The following RNF111 variants were observed in gnomAD, a reference collection of about 807,000 sequenced individuals.
The protein encoded by RNF111 is E3 ubiquitin-protein ligase Arkadia.
RNF111 carries 17 observed loss-of-function variants against 95.1 expected under a neutral mutation model. The observed-to-expected ratio is 0.18, with a 90% CI of 0.12 to 0.27. The LOEUF (loss-of-function observed/expected upper bound fraction) is 0.27. Among genes scored for constraint, RNF111 ranks in the 10% least tolerant of loss-of-function variants. RNF111 has a pLI of 1.00. For synonymous variants in RNF111, 440 were observed against 414.8 expected, an observed-to-expected ratio of 1.06 and a Z score of -0.74; for missense variants, 1,189 against 1,210.4, an observed-to-expected ratio of 0.98 and a Z score of 0.26.
At chr15:59,058,330 C>G in intron 4 of RNF111, 26 bp from the exon 5 acceptor site, 8 of 1,591,282 alleles carry the variant, frequency 5.0e-6, no homozygotes, top group Non-Finnish European at 6.9e-6. Context: ...TTTTGAAATG[C>G]TAAGTTGACA....
intron 6 of RNF111, among the ~76,000 whole-genome samples, chr15:59,073,315 A>C (rs1417063922): frequency 6.6e-6 from 1 of 152,006 alleles, no homozygotes; most frequent in East Asian, 1.9e-4. Flanking sequence ...TGTCTACTAA[A>C]AATACAAAAA....
chr15:59,003,755 C>T (rs962083874), intron 1 of RNF111, among the ~76,000 whole-genome samples: 1 of 152,166 alleles, frequency 6.6e-6, no homozygotes, highest in Non-Finnish European at 1.5e-5. Flanking sequence ...TTTTTGGTCT[C>T]ATTTGCATGT....
chr15:59,049,023 C>G (rs953794083), intron 2 of RNF111, among the ~76,000 whole-genome samples: 1 of 152,058 alleles, frequency 6.6e-6, no homozygotes, highest in African/African-American at 2.4e-5. Context: ...ATCACTGGAG[C>G]CCAGGAGATT....
Position 59,066,893 on chromosome 15 carries a change from A to G in RNF111, c.1496A>G (p.His499Arg). 1.2e-6 allele frequency: 2 copies of G among 1,614,064 alleles called. No homozygotes were observed. The highest frequency in any genetic ancestry group is 1.7e-6 in the Non-Finnish European group (2 of 1,180,010). ...GSSQNHHALGHPHTSCFQQHG... is the reference protein window; with the variant it reads ...GSSQNHHALGRPHTSCFQQHG... ...TCACAGAACCACCATGCATTAGGAC[A>G]TCCTCATACAAGTTGCTTTCAGCAG... Residue 499 changes from histidine to arginine, a missense_variant, in exon 6 of 14, where the codon CAT (histidine) becomes CGT (arginine). Physicochemically the swap from His to Arg is conservative, Grantham distance 29. Transcript: ENST00000348370.
intron 2 of RNF111, among the ~76,000 whole-genome samples, chr15:59,039,418 C>T (rs1317562706): frequency 3.3e-5 from 5 of 152,234 alleles, no homozygotes; most frequent in Non-Finnish European, 5.9e-5. Context: ...TCATTTACCA[C>T]TTCTCAGAAT....
intron 2 of RNF111, among the ~76,000 whole-genome samples, chr15:59,036,011 ATTAG>A: frequency 6.6e-6 from 1 of 152,180 alleles, no homozygotes. Context: ...AATTTACTGT[ATTAG>A]TTCATTCTCA....
intron 1 of RNF111, among the ~76,000 whole-genome samples, chr15:58,999,368 C>T (rs890038350): frequency 6.6e-6 from 1 of 152,166 alleles, no homozygotes; most frequent in Non-Finnish European, 1.5e-5. Context: ...GACGGAGTCA[C>T]ACTGTCACCC....
intron 1 of RNF111, among the ~76,000 whole-genome samples, chr15:59,024,961 A>G (rs1405015983): frequency 6.6e-6 from 1 of 152,186 alleles, no homozygotes; most frequent in Non-Finnish European, 1.5e-5. Flanking sequence ...CACTTAGCAT[A>G]ATGTCTTCAA....
chr15:59,020,718 A>G (rs2040297771), intron 1 of RNF111, among the ~76,000 whole-genome samples: 1 of 152,176 alleles, frequency 6.6e-6, no homozygotes, highest in Admixed American at 6.5e-5. Flanking sequence ...ATCTGTTTCC[A>G]GAAGCAGAAT....
rs1030262349 is a variant in RNF111 at position 59,095,255 on chromosome 15, A to G, written c.*355A>G. The G allele has an allele frequency of 8.3e-6, 2 of 242,078 alleles. No homozygotes were observed. Among genetic ancestry groups the G allele is most frequent in the Non-Finnish European group, 1.6e-5 (2 of 124,198 alleles). The allele number at this position is 242,078 out of a possible 1,614,324, so 15.0% of individuals were successfully genotyped here. ...ATTTTGTGGTCTTTTTGTTTTTTACATAGTACCAAGCCTTGATAATTATGA... is the reference window on the plus strand; with the variant it reads ...ATTTTGTGGTCTTTTTGTTTTTTACGTAGTACCAAGCCTTGATAATTATGA... On this transcript the variant is annotated 3_prime_UTR_variant, in exon 14 of 14. Transcript: ENST00000348370.
chr15:59,062,047 ACTT>A (rs869197466), intron 5 of RNF111, among the ~76,000 whole-genome samples: 7 of 137,684 alleles, frequency 5.1e-5, no homozygotes, highest in African/African-American at 8.0e-5. Flanking sequence ...TTTGTTTTAA[ACTT>A]CTTTTTTTTT....
intron 1 of RNF111, among the ~76,000 whole-genome samples, chr15:59,026,456 A>G (rs2141708617): frequency 6.6e-6 from 1 of 152,328 alleles, no homozygotes; most frequent in East Asian, 1.9e-4. Flanking sequence ...TCAGTATTGA[A>G]ACAGTGTGTA....
intron 1 of RNF111, among the ~76,000 whole-genome samples, chr15:58,990,192 TGA>T (rs1160249123): frequency 6.6e-6 from 1 of 152,220 alleles, no homozygotes; most frequent in Non-Finnish European, 1.5e-5. Flanking sequence ...TCTGTTTAAA[TGA>T]GAATTGTAGA....
rs774774479 is a variant in RNF111 at position 59,067,025 on chromosome 15, C to A, written c.1628C>A (p.Pro543Gln). 1.2e-6 allele frequency: 2 copies of A among 1,614,144 alleles called. No homozygotes were observed. The highest frequency in any genetic ancestry group is 4.5e-5 in the East Asian group (2 of 44,884). Residue 543 changes from proline to glutamine, a missense_variant, in exon 6 of 14, where the codon CCA becomes CAA. Pro to Gln is a moderately conservative substitution (Grantham distance 76, BLOSUM62 -1). Around this residue, in one of 2 missense-constraint regions of RNF111, gnomAD observed 1,024 missense variants for 925.9 expected, o/e 1.11. Coordinates refer to ENST00000348370, the MANE Select transcript of RNF111 (RefSeq NM_017610.8). The part of the protein sequence containing the change: ...SDPACPVERP[P>Q]QVQAPCGANS... ...CCTGCTTGCCCTGTGGAAAGACCTC[C>A]ACAAGTACAAGCACCTTGTGGAGCA...
At chr15:59,028,781 A>ATT (rs34725448) in intron 1 of RNF111, among the ~76,000 whole-genome samples, 13,729 of 146,936 alleles carry the variant, frequency 0.093, 839 homozygotes, top group East Asian at 0.26. Flanking sequence ...TTTGTGTTTA[A>ATT]TTTTTTTTTT....
chr15:59,021,842 T>C (rs1487415252), intron 1 of RNF111, among the ~76,000 whole-genome samples: 2 of 152,240 alleles, frequency 1.3e-5, no homozygotes, highest in Middle Eastern at 3.4e-3. Flanking sequence ...GTTATTGCTA[T>C]GCGTTCATTT....
At chr15:59,085,152 T>C (rs1228548514) in intron 9 of RNF111, among the ~76,000 whole-genome samples, 1 of 152,216 alleles carries the variant, frequency 6.6e-6, no homozygotes, top group Non-Finnish European at 1.5e-5. Context: ...AAAATGAGAA[T>C]AAGTAAATGA....
rs1421314860 is a variant in RNF111, at chr15:59,031,532, A to G, written c.710A>G (p.Lys237Arg). ...KQKERILMQRKKREVLARRKY... is the reference protein window; with the variant it reads ...KQKERILMQRRKREVLARRKY... ...AAAGAGAGGATATTAATGCAGAGGA[A>G]GAAACGAGAAGTGTTAGCTCGAAGA... The change falls in exon 2 of 14, where the codon AAG becomes AGG. Residue 237 changes from lysine (K) to arginine (R), a missense_variant. This residue lies in a region of RNF111 where 1,024 missense variants were observed against 925.9 expected (regional missense o/e 1.11). Transcript: ENST00000348370. The G allele has an allele frequency of 6.2e-7, 1 of 1,614,232 alleles. No homozygotes were observed. Among genetic ancestry groups the G allele is most frequent in the Middle Eastern group, 1.6e-4 (1 of 6,062 alleles).
In RNF111 at chr15:59,088,232, G is replaced by T. The variant is rs1233935022; in HGVS notation, c.2551-1435G>T. Among the ~76,000 whole-genome samples, 7 of 152,106 alleles carry T rather than the reference G, an allele frequency of 4.6e-5. No homozygotes were observed. The East Asian group carries it at 1.3e-3, about 29-fold the overall frequency. ...GGGTGAACAGGTGAAGGGAGGAGTG[G>T]GTGATAAGGATTGAGTTCGAATAGG... On this transcript the variant is annotated intron_variant, in intron 10 of 13. Transcript: ENST00000348370.
Sources: allele counts gnomAD v4.1 joint callset (sites outside exome capture counted in the v4.1 genomes callset), GRCh38; gene constraint gnomAD v4.1.1; regional missense constraint gnomAD v4.1.1; transcripts MANE v1.5; gene names NCBI Gene and HGNC (gene_info 2026-07-23, HGNC 2026-07-21).